The following NRXN3 variants were observed in gnomAD, a reference collection of about 807,000 sequenced individuals.
The protein encoded by NRXN3 is neurexin III.
NRXN3 carries 32 observed loss-of-function variants against 137.6 expected under a neutral mutation model. The ratio of observed to expected loss-of-function variants is 0.23; its 90% CI spans 0.18 to 0.31. The LOEUF is 0.31. Ranked by LOEUF, NRXN3 falls within the 10% of genes least tolerant of loss-of-function variation. The probability of loss-of-function intolerance (pLI) is 1.00; values close to 1 mark genes in which losing one functional copy is unlikely to be tolerated. For missense variants in NRXN3, 1,574 were observed against 2,062.5 expected, an observed-to-expected ratio of 0.76 and a Z score of 4.59; for synonymous variants, 798 against 784.5, an observed-to-expected ratio of 1.02 and a Z score of -0.29.
At chr14:79,494,073 C>A (rs929600788) in intron 16 of NRXN3, among the ~76,000 whole-genome samples, 10 of 152,240 alleles carry the variant, frequency 6.6e-5, no homozygotes, top group African/African-American at 2.4e-4. Context: ...TAATTGAAAT[C>A]TTAACAAGTA....
chr14:79,248,120 G>A (rs911959288), intron 15 of NRXN3, among the ~76,000 whole-genome samples: 4 of 152,118 alleles, frequency 2.6e-5, no homozygotes, highest in African/African-American at 9.7e-5. Flanking sequence ...GGCGTGAACC[G>A]CCATGTTCAG....
At chr14:78,778,718 CTT>C (rs1207749118) in intron 8 of NRXN3, among the ~76,000 whole-genome samples, 9 of 139,702 alleles carry the variant, frequency 6.4e-5, no homozygotes, top group Non-Finnish European at 9.4e-5. Flanking sequence ...TTCTTTCTTT[CTT>C]TCTTTCTTTC....
chr14:79,611,990 T>C (rs575867154), intron 16 of NRXN3, among the ~76,000 whole-genome samples: 1 of 152,336 alleles, frequency 6.6e-6, no homozygotes, highest in Admixed American at 6.5e-5. Context: ...AGTTAACATA[T>C]AGCAAATCAA....
At position 79,222,682 on chromosome 14, in the gene NRXN3, G is replaced by C. The variant is rs559019786; in HGVS notation, c.3262+234541G>C. Among the ~76,000 whole-genome samples the C allele has an allele frequency of 1.7e-3, 260 of 152,178 alleles. 1 individual carries two copies. Among genetic ancestry groups the C allele is most frequent in the African/African-American group, 6.0e-3 (251 of 41,516 alleles). Reference sequence around the variant, plus strand: ...TTTCTGTTACTCGACATCTTTACCAGCATTTAATATTGTCAGTGTTTTAAA... The same window carrying C: ...TTTCTGTTACTCGACATCTTTACCACCATTTAATATTGTCAGTGTTTTAAA... On this transcript the variant is annotated intron_variant, in intron 15 of 20. Coordinates refer to ENST00000335750, the MANE Select transcript of NRXN3 (RefSeq NM_001330195.2).
chr14:78,822,608 G>A (rs1306651778), intron 10 of NRXN3, among the ~76,000 whole-genome samples: 1 of 151,706 alleles, frequency 6.6e-6, no homozygotes, highest in Admixed American at 6.6e-5. Flanking sequence ...CTGGGAGGTG[G>A]AGGTTACAGT....
At chr14:79,833,736 A>G (rs970185952) in intron 20 of NRXN3, among the ~76,000 whole-genome samples, 3 of 152,192 alleles carry the variant, frequency 2.0e-5, no homozygotes, top group Admixed American at 1.3e-4. Context: ...CTGTAGAGGT[A>G]CCAACTGATC....
At chr14:78,636,923 A>G (rs2097572340) in intron 4 of NRXN3, among the ~76,000 whole-genome samples, 1 of 152,038 alleles carries the variant, frequency 6.6e-6, no homozygotes, top group South Asian at 2.1e-4. Context: ...GACAGGCAGT[A>G]CAATTGTGTG....
At chr14:79,030,138 T>C (rs2099605219) in intron 15 of NRXN3, among the ~76,000 whole-genome samples, 1 of 149,806 alleles carries the variant, frequency 6.7e-6, no homozygotes, top group Non-Finnish European at 1.5e-5. Flanking sequence ...TGCCTCAGCC[T>C]CCCAAAGAAT....
At chr14:78,800,632 G>A (rs1251533508) in intron 8 of NRXN3, among the ~76,000 whole-genome samples, 8 of 152,174 alleles carry the variant, frequency 5.3e-5, no homozygotes, top group Non-Finnish European at 8.8e-5. Context: ...CTGGGAGATG[G>A]CTGATTTTCA....
chr14:78,575,512 GC>G (rs1452693607), intron 4 of NRXN3, among the ~76,000 whole-genome samples: 9 of 152,162 alleles, frequency 5.9e-5, no homozygotes, highest in African/African-American at 2.2e-4. Context: ...ATTCCCAGAA[GC>G]CCATTCATGA....
At chr14:78,666,695 A>G (rs1405151411) in intron 6 of NRXN3, among the ~76,000 whole-genome samples, 1 of 152,024 alleles carries the variant, frequency 6.6e-6, no homozygotes, top group East Asian at 1.9e-4. Context: ...TGGTCCTTTC[A>G]CTACTGCCTC....
intron 15 of NRXN3, among the ~76,000 whole-genome samples, chr14:79,012,720 A>G (rs563624873): frequency 1.3e-5 from 2 of 152,184 alleles, no homozygotes; most frequent in East Asian, 3.9e-4. Flanking sequence ...ACCATCTATC[A>G]TGGTCTTTCC....
intron 15 of NRXN3, among the ~76,000 whole-genome samples, chr14:79,088,576 T>G (rs1369015894): frequency 5.3e-5 from 8 of 152,140 alleles, no homozygotes; most frequent in Admixed American, 1.3e-4. Context: ...CCCTATGACT[T>G]GGGCTTAAGA....
intron 15 of NRXN3, among the ~76,000 whole-genome samples, chr14:79,367,976 T>C (rs1195710237): frequency 6.6e-6 from 1 of 152,186 alleles, no homozygotes; most frequent in Admixed American, 6.5e-5. Flanking sequence ...CAAAGATAAA[T>C]AAATAAATAA....
chr14:78,531,278 C>G (rs573224354), intron 4 of NRXN3, among the ~76,000 whole-genome samples: 1 of 152,264 alleles, frequency 6.6e-6, no homozygotes, highest in African/African-American at 2.4e-5. Flanking sequence ...CTTACACTTA[C>G]TTTGGAATGA....
intron 4 of NRXN3, among the ~76,000 whole-genome samples, chr14:78,330,316 G>C (rs2080647238): frequency 6.6e-6 from 1 of 152,016 alleles, no homozygotes; most frequent in Non-Finnish European, 1.5e-5. Flanking sequence ...TGCCTTATGA[G>C]TTAAACTCTG....
At chr14:79,370,669 A>C (rs993954725) in intron 15 of NRXN3, among the ~76,000 whole-genome samples, 11 of 152,110 alleles carry the variant, frequency 7.2e-5, no homozygotes, top group Non-Finnish European at 1.5e-4. Flanking sequence ...GTTTGACTCC[A>C]AAATACATGC....
At chr14:79,213,614 C>T (rs190980213) in intron 15 of NRXN3, among the ~76,000 whole-genome samples, 1 of 151,148 alleles carries the variant, frequency 6.6e-6, no homozygotes, top group Non-Finnish European at 1.5e-5. Flanking sequence ...TCTCCTCTCA[C>T]CCTTTTTTTT....
intron 10 of NRXN3, among the ~76,000 whole-genome samples, chr14:78,905,367 A>G (rs953276863): frequency 4.6e-5 from 7 of 152,134 alleles, no homozygotes; most frequent in Non-Finnish European, 8.8e-5. Context: ...AATATTTTAT[A>G]GGAACATACT....
Sources: allele counts gnomAD v4.1 joint callset (sites outside exome capture counted in the v4.1 genomes callset), GRCh38; gene constraint gnomAD v4.1.1; transcripts MANE v1.5; gene names NCBI Gene and HGNC (gene_info 2026-07-23, HGNC 2026-07-21).